Variants in MICU1 observed in about 807,000 individuals in gnomAD.
The protein encoded by MICU1 is mitochondrial calcium uptake 1.
In MICU1, 45 loss-of-function variants were observed where a neutral mutation model predicts 56.8. The ratio of observed to expected loss-of-function variants is 0.79; its 90% CI spans 0.62 to 1.02. The LOEUF (loss-of-function observed/expected upper bound fraction) is 1.02, where lower values mean the gene tolerates loss of function less well. Ranked by LOEUF, MICU1 falls within the 50% of genes least tolerant of loss-of-function variation. The probability of loss-of-function intolerance (pLI) is 0.00; values close to 1 mark genes in which losing one functional copy is unlikely to be tolerated. For synonymous variants in MICU1, 186 were observed against 195.1 expected (o/e 0.95, Z 0.39); for missense variants, 504 against 587.1 (o/e 0.86, Z 1.46).
intron 1 of MICU1, among the ~76,000 whole-genome samples, chr10:72,605,466 C>T (rs894797882): frequency 5.3e-5 from 8 of 152,224 alleles, no homozygotes; most frequent in African/African-American, 1.9e-4. Flanking sequence ...TATCCCCTTA[C>T]TTTCTTAATA....
At chr10:72,462,903 G>T (rs188044231) in intron 8 of MICU1, among the ~76,000 whole-genome samples, 15 of 152,258 alleles carry the variant, frequency 9.9e-5, no homozygotes, top group African/African-American at 2.9e-4. Flanking sequence ...TTATCTTGTG[G>T]CCAGTTTCAA....
At position 72,375,840 on chromosome 10, in the gene MICU1, T is replaced by C. The variant is rs368727338; in HGVS notation, c.1213A>G (p.Lys405Glu). 2 of 1,613,582 alleles carry C rather than the reference T, an allele frequency of 1.2e-6. No homozygotes were observed. The highest frequency in any genetic ancestry group is 1.7e-6 in the Non-Finnish European group (2 of 1,179,760). Reference protein sequence around the residue: ...TMQQVARTVAKVELSDHVCDV... With the variant: ...TMQQVARTVAEVELSDHVCDV... ...CACACGTGGTCTGAGAGCTCCACTTTAGCCACTGTCCTGGCCACCTGCTGC... is the reference window on the plus strand; with the variant it reads ...CACACGTGGTCTGAGAGCTCCACTTCAGCCACTGTCCTGGCCACCTGCTGC... Residue 405 changes from lysine to glutamate, a missense_variant, in exon 11 of 12, where the codon AAA (lysine) becomes GAA (glutamate). Coordinates refer to ENST00000361114, the MANE Select transcript of MICU1 (RefSeq NM_001195518.2).
chr10:72,447,683 G>T (rs893812857), intron 8 of MICU1, among the ~76,000 whole-genome samples: 1 of 151,910 alleles, frequency 6.6e-6, no homozygotes, highest in Non-Finnish European at 1.5e-5. Context: ...TAAAAAAAAA[G>T]ATATGAAAAA....
At chr10:72,552,975 A>C (rs1056167909) in intron 3 of MICU1, among the ~76,000 whole-genome samples, 3 of 152,224 alleles carry the variant, frequency 2.0e-5, no homozygotes, top group African/African-American at 7.2e-5. Context: ...TTCCACTACC[A>C]CATGTGCTTT....
intron 1 of MICU1, among the ~76,000 whole-genome samples, chr10:72,581,797 C>A (rs1564946140): frequency 6.6e-6 from 1 of 152,160 alleles, no homozygotes; most frequent in African/African-American, 2.4e-5. Context: ...GGCACTGGTG[C>A]ATCTTTTTAT....
At chr10:72,468,428 G>A (rs556206045) in intron 8 of MICU1, among the ~76,000 whole-genome samples, 2 of 151,078 alleles carry the variant, frequency 1.3e-5, no homozygotes, top group South Asian at 4.2e-4. Flanking sequence ...CAGTCATTAA[G>A]AAATCAATGA....
In MICU1 at chr10:72,445,960, T is replaced by TC. The variant is rs150051682; in HGVS notation, c.934-22590dup. 2.9e-3 allele frequency among the ~76,000 whole-genome samples: 435 copies of TC among 152,296 alleles called. 3 individuals carry two copies. The highest frequency in any genetic ancestry group is 9.7e-3 in the African/African-American group (403 of 41,566). On this transcript the variant is annotated intron_variant, in intron 8 of 11. Transcript: ENST00000361114. ...CTAAGATGCATTTACTTTTTTTTTT[T>TC]CTTCACATTTTAGTATCTCTGAAAT...
chr10:72,553,475 C>T (rs780253949), intron 3 of MICU1, among the ~76,000 whole-genome samples: 2 of 152,090 alleles, frequency 1.3e-5, no homozygotes, highest in Admixed American at 6.5e-5. Context: ...CCTCATGATC[C>T]GCCTGCCTTG....
intron 1 of MICU1, among the ~76,000 whole-genome samples, chr10:72,592,432 C>T (rs1841254049): frequency 6.6e-6 from 1 of 152,118 alleles, no homozygotes; most frequent in Non-Finnish European, 1.5e-5. Flanking sequence ...CTACTAAGAA[C>T]ATTTCCACAA....
intron 8 of MICU1, among the ~76,000 whole-genome samples, chr10:72,460,955 A>C (rs985878716): frequency 6.6e-6 from 1 of 152,294 alleles, no homozygotes; most frequent in South Asian, 2.1e-4. Context: ...AGGCACCTGC[A>C]GCTAAAGATG....
At chr10:72,561,598 A>T (rs945078542) in intron 3 of MICU1, among the ~76,000 whole-genome samples, 3 of 152,176 alleles carry the variant, frequency 2.0e-5, no homozygotes, top group Non-Finnish European at 4.4e-5. Context: ...GATCACCTGA[A>T]GTCAGGAGTT....
chr10:72,596,817 G>A (rs1442304750), intron 1 of MICU1, among the ~76,000 whole-genome samples: 3 of 151,204 alleles, frequency 2.0e-5, no homozygotes, highest in Non-Finnish European at 2.9e-5. Flanking sequence ...AGGTTGCAAT[G>A]AGCCGAGATG....
Position 72,551,278 on chromosome 10 carries a change from C to T in MICU1, c.394G>A (p.Ala132Thr). The T allele has an allele frequency of 1.2e-6, 2 of 1,613,364 alleles. No homozygotes were observed. Among genetic ancestry groups the T allele is most frequent in the Non-Finnish European group, 1.7e-6 (2 of 1,179,596 alleles). Reference sequence around the variant, plus strand: ...GGCTCACTGATGACTTTCAAGGTGGCAAAATATCGGAAGATTTTGTCTGGC... The same window carrying T: ...GGCTCACTGATGACTTTCAAGGTGGTAAAATATCGGAAGATTTTGTCTGGC... Reference protein sequence around the residue: ...STPDKIFRYFATLKVISEPGE... With the variant: ...STPDKIFRYFTTLKVISEPGE... The change falls in exon 4 of 12, where the codon GCC becomes ACC. Residue 132 changes from alanine (A) to threonine (T), a missense_variant. Transcript: ENST00000361114.
chr10:72,514,160 G>A (rs1437624878), intron 5 of MICU1, among the ~76,000 whole-genome samples: 2 of 151,748 alleles, frequency 1.3e-5, no homozygotes, highest in African/African-American at 4.8e-5. Context: ...CTCAGCTCTT[G>A]TACTTTTCAG....
At chr10:72,553,224 T>C (rs938913309) in intron 3 of MICU1, among the ~76,000 whole-genome samples, 6 of 143,932 alleles carry the variant, frequency 4.2e-5, no homozygotes, top group Non-Finnish European at 9.1e-5. Context: ...ACAGAAGAAA[T>C]ACCTTTCTTC....
intron 1 of MICU1, among the ~76,000 whole-genome samples, chr10:72,573,654 T>C (rs1207505899): frequency 2.0e-5 from 3 of 152,208 alleles, no homozygotes; most frequent in Admixed American, 2.0e-4. Context: ...AATCACATGG[T>C]TAATTTTTTA....
chr10:72,514,595 C>T (rs1315984065), intron 5 of MICU1, among the ~76,000 whole-genome samples: 1 of 152,134 alleles, frequency 6.6e-6, no homozygotes, highest in Non-Finnish European at 1.5e-5. Flanking sequence ...CCTTAGTGAG[C>T]AACTAGTGAT....
intron 11 of MICU1, among the ~76,000 whole-genome samples, chr10:72,375,266 T>C (rs1390213367): frequency 1.3e-5 from 2 of 152,188 alleles, no homozygotes; most frequent in African/African-American, 4.8e-5. Flanking sequence ...TCAGCTACCA[T>C]ACCTAAAAAA....
chr10:72,456,975 G>C (rs1398603916), intron 8 of MICU1, among the ~76,000 whole-genome samples: 1 of 150,894 alleles, frequency 6.6e-6, no homozygotes. Flanking sequence ...GTGTGTGTGT[G>C]TGTGTGTGTG....
Sources: allele counts gnomAD v4.1 joint callset (sites outside exome capture counted in the v4.1 genomes callset), GRCh38; gene constraint gnomAD v4.1.1; transcripts MANE v1.5; gene names NCBI Gene and HGNC (gene_info 2026-07-23, HGNC 2026-07-21).